CRKL: variants seen among roughly 807,000 people sequenced by gnomAD.
CRKL encodes the protein crk-like protein.
CRKL carries 3 observed loss-of-function variants against 23.0 expected under a neutral mutation model. The ratio of observed to expected loss-of-function variants is 0.13; its 90% CI spans 0.06 to 0.34. The LOEUF is 0.34. Among genes scored for constraint, CRKL ranks in the 10% least tolerant of loss-of-function variants. The pLI is 1.00. For synonymous variants in CRKL, 188 were observed against 160.7 expected, an observed-to-expected ratio of 1.17 and a Z score of -1.28; for missense variants, 256 against 394.5, an observed-to-expected ratio of 0.65 and a Z score of 2.97.
intron 2 of CRKL, among the ~76,000 whole-genome samples, chr22:20,936,277 T>A (rs189765577): frequency 4.3e-4 from 65 of 152,328 alleles, no homozygotes; most frequent in African/African-American, 1.1e-3. Flanking sequence ...TGCCCACAGA[T>A]AAAAGTTAGC....
Position 20,917,615 on chromosome 22 carries a change from G to GCA in CRKL, c.-320_-319insCA, listed in dbSNP as rs1929737767. The stretch of plus-strand genomic sequence containing the variant: ...GCGTTCCAGGCCGGGAGTCACTGGA[G>GCA]GCACCCCTGGGACGCCGAGCAGCCC... On this transcript the variant is annotated 5_prime_UTR_variant, in exon 1 of 3. Transcript: ENST00000354336. The GCA allele has an allele frequency of 2.6e-6, 1 of 381,880 alleles. No individual in the cohort carries two copies. Among genetic ancestry groups the GCA allele is most frequent in the African/African-American group, 2.1e-5 (1 of 47,638 alleles). 23.7% of individuals were successfully genotyped at this position (381,880 alleles called of 1,614,324 possible). A position where few individuals can be genotyped will look rare whatever the true frequency, so the allele number is the denominator to read the frequency against.
At chr22:20,937,877 ATTT>A (rs200827212) in intron 2 of CRKL, among the ~76,000 whole-genome samples, 2 of 147,236 alleles carry the variant, frequency 1.4e-5, no homozygotes, top group South Asian at 4.3e-4. Flanking sequence ...GCATAAGTAA[ATTT>A]TTTTTTTTTT....
Position 20,917,788 on chromosome 22 carries a change from G to A in CRKL, c.-147G>A. On this transcript the variant is annotated 5_prime_UTR_variant, in exon 1 of 3. Transcript: ENST00000354336. ...GGATGCTGCGGGCCCGGAGCCGAGAGGAAAGTGCTGGCCCAGCCCTCTGAG... is the reference window on the plus strand; with the variant it reads ...GGATGCTGCGGGCCCGGAGCCGAGAAGAAAGTGCTGGCCCAGCCCTCTGAG... The A allele has an allele frequency of 1.3e-6, 1 of 764,444 alleles. No individual in the cohort carries two copies. Among genetic ancestry groups the A allele is most frequent in the South Asian group, 1.9e-5 (1 of 52,966 alleles). 47.4% of individuals were successfully genotyped at this position (764,444 alleles called of 1,614,324 possible).
intron 1 of CRKL, among the ~76,000 whole-genome samples, chr22:20,927,566 G>A (rs1248295397): frequency 1.3e-5 from 2 of 148,246 alleles, no homozygotes; most frequent in African/African-American, 2.5e-5. Flanking sequence ...AAAGAGTAAG[G>A]GTGCCGTGGC....
At chr22:20,933,296 G>A (rs187598940) in intron 1 of CRKL, among the ~76,000 whole-genome samples, 22 of 151,920 alleles carry the variant, frequency 1.4e-4, no homozygotes, top group African/African-American at 5.1e-4. Flanking sequence ...CTTGAACTTG[G>A]GATGCAGAGG....
chr22:20,938,833 C>T (rs1360728980), intron 2 of CRKL, among the ~76,000 whole-genome samples: 1 of 152,092 alleles, frequency 6.6e-6, no homozygotes, highest in African/African-American at 2.4e-5. Flanking sequence ...TGCAGCCTCA[C>T]CTGTGCTTTT....
chr22:20,947,631 C>T (rs1433940571), intron 2 of CRKL, among the ~76,000 whole-genome samples: 3 of 150,964 alleles, frequency 2.0e-5, no homozygotes, highest in Non-Finnish European at 3.0e-5. Flanking sequence ...TGAGCCACTG[C>T]GCCTAGGCTT....
chr22:20,933,391 G>A (rs1040328302), intron 1 of CRKL, among the ~76,000 whole-genome samples: 5 of 151,328 alleles, frequency 3.3e-5, no homozygotes, highest in African/African-American at 7.3e-5. Context: ...TAGAGGCCGG[G>A]CATGGTGGCT....
At position 20,927,192 on chromosome 22, in the gene CRKL, A is replaced by AT. The variant is rs532930393; in HGVS notation, c.312-6569dup. Among the ~76,000 whole-genome samples, 217 of 81,966 alleles carry AT rather than the reference A, an allele frequency of 2.6e-3. 12 individuals are homozygous for AT. The highest frequency in any genetic ancestry group is 6.1e-3 in the African/African-American group (104 of 16,968). 53.8% of individuals were successfully genotyped at this position (81,966 alleles called of 152,430 possible). A position where few individuals can be genotyped will look rare whatever the true frequency, so the allele number is the denominator to read the frequency against. On this transcript the variant is annotated intron_variant, in intron 1 of 2. Transcript: ENST00000354336. ...AGTACTTAGCTCATCTTGGAATTGAATTTTTTTTTTTTTTTTTTGAGACAG... is the reference window on the plus strand; with the variant it reads ...AGTACTTAGCTCATCTTGGAATTGAATTTTTTTTTTTTTTTTTTTGAGACAG...
In CRKL at chr22:20,917,499, A is replaced by G. The variant is rs1929733108; in HGVS notation, c.-436A>G. On this transcript the variant is annotated 5_prime_UTR_variant, in exon 1 of 3. Transcript: ENST00000354336. The stretch of plus-strand genomic sequence containing the variant: ...TGTGGCTATTGGGAACAAGCTGGGC[A>G]AAAGCACCCCGGAGGCGCGACGCTC... 4.0e-6 allele frequency: 1 copy of G among 247,324 alleles called. No individual in the cohort carries two copies. The highest frequency in any genetic ancestry group is 7.8e-6 in the Non-Finnish European group (1 of 128,018). 15.3% of individuals were successfully genotyped at this position (247,324 alleles called of 1,614,324 possible).
At chr22:20,921,714 TTTTC>T (rs1377055197) in intron 1 of CRKL, among the ~76,000 whole-genome samples, 23 of 151,474 alleles carry the variant, frequency 1.5e-4, no homozygotes, top group Non-Finnish European at 3.2e-4. Context: ...TTTCTTTCTT[TTTTC>T]TTTTTTTTTT....
Position 20,952,384 on chromosome 22 carries a change from A to C in CRKL, c.*2539A>C, listed in dbSNP as rs533820399. 4.3e-6 allele frequency: 1 copy of C among 230,380 alleles called. No homozygotes were observed. Among genetic ancestry groups the C allele is most frequent in the South Asian group, 1.8e-4 (1 of 5,468 alleles). 14.3% of individuals were successfully genotyped at this position (230,380 alleles called of 1,614,324 possible). On this transcript the variant is annotated 3_prime_UTR_variant, in exon 3 of 3. Transcript: ENST00000354336. ...AATCAGCTCGTTACTTCAGCCCATG[A>C]AAATGGCATCCAGGGCTGCCAGGAG... is the stretch of plus-strand genomic sequence containing the variant.
At chr22:20,938,292 A>G (rs1368832749) in intron 2 of CRKL, among the ~76,000 whole-genome samples, 1 of 152,142 alleles carries the variant, frequency 6.6e-6, no homozygotes, top group Non-Finnish European at 1.5e-5. Flanking sequence ...CCTGTAAGTA[A>G]AGAGATATTT....
intron 2 of CRKL, among the ~76,000 whole-genome samples, chr22:20,942,986 A>T (rs1206942829): frequency 6.6e-6 from 1 of 152,110 alleles, no homozygotes; most frequent in Non-Finnish European, 1.5e-5. Context: ...AGCAGTATAT[A>T]AGGGCTCCCT....
intron 1 of CRKL, among the ~76,000 whole-genome samples, chr22:20,920,674 A>G (rs577790314): frequency 2.0e-4 from 31 of 152,182 alleles, no homozygotes; most frequent in Middle Eastern, 3.4e-3. Context: ...CCTTTACTGC[A>G]GCTGTACTAG....
rs191436926 is a variant in CRKL, at chr22:20,937,539, A to C, written c.777+3295A>C. Among the ~76,000 whole-genome samples, 57 of 150,684 alleles carry C rather than the reference A, an allele frequency of 3.8e-4. 1 individual carries two copies. In the Middle Eastern group the frequency reaches 0.014, roughly 36 times the overall value. On this transcript the variant is annotated intron_variant, in intron 2 of 2. Transcript: ENST00000354336. ...AGGGAGGAATACCAGGTATTACAGA[A>C]GGGATCACTTAGAGCTTGGTGAGTG...
rs67055933 is a variant in CRKL at position 20,934,805 on chromosome 22, ATTT to A, written c.777+585_777+587del. Among the ~76,000 whole-genome samples, 203 of 98,530 alleles carry A rather than the reference ATTT, an allele frequency of 2.1e-3. 1 individual carries two copies. In the East Asian group the frequency reaches 0.052, roughly 25 times the overall value. The allele number at this position is 98,530 out of a possible 152,430, so 64.6% of individuals were successfully genotyped here. A position where few individuals can be genotyped will look rare whatever the true frequency, so the allele number is the denominator to read the frequency against. ...TCTCTTGAGCTTGGTAGAGGAATGA[ATTT>A]TTTTTTTTTTTTTTTTTTTTTTTGA... On this transcript the variant is annotated intron_variant, in intron 2 of 2. Transcript: ENST00000354336.
chr22:20,953,585 ACTTATATT>A lies in CRKL; in HGVS notation c.*3745_*3752del. 4.6e-6 allele frequency: 1 copy of A among 219,076 alleles called. No homozygotes were observed. The highest frequency in any genetic ancestry group is 9.2e-6 in the Non-Finnish European group (1 of 109,112). 13.6% of individuals were successfully genotyped at this position (219,076 alleles called of 1,614,324 possible). On this transcript the variant is annotated 3_prime_UTR_variant, in exon 3 of 3. Transcript: ENST00000354336. The stretch of plus-strand genomic sequence containing the variant: ...GCTATAAAATTAACAGTATTAAATG[ACTTATATT>A]CTTAGAATACATCGAGTGTCTTTTC...
At chr22:20,939,950 T>G (rs909037929) in intron 2 of CRKL, among the ~76,000 whole-genome samples, 30 of 151,874 alleles carry the variant, frequency 2.0e-4, no homozygotes, top group African/African-American at 7.3e-4. Context: ...CAACCGCGCC[T>G]GGCTAATTTT....
Sources: gnomAD v4.1 joint callset for allele counts (sites outside exome capture counted in the v4.1 genomes callset) on GRCh38, gnomAD v4.1.1 for gene constraint, MANE v1.5 for transcripts, NCBI Gene and HGNC (gene_info 2026-07-23, HGNC 2026-07-21) for gene names.